Variants in TTLL11 observed in about 807,000 individuals in gnomAD.
TTLL11 encodes tubulin tyrosine ligase like 11.
Under a neutral mutation model 51.7 loss-of-function variants are expected in TTLL11, and 42 were observed. The observed-to-expected ratio is 0.81, with a 90% CI of 0.64 to 1.05. TTLL11 has a LOEUF of 1.05. TTLL11 is among the 50% of genes least tolerant of loss of function. TTLL11 has a pLI of 0.00. For missense variants in TTLL11, 799 were observed against 940.4 expected, an observed-to-expected ratio of 0.85 and a Z score of 1.97; for synonymous variants, 381 against 383.5, an observed-to-expected ratio of 0.99 and a Z score of 0.08.
intron 1 of TTLL11, among the ~76,000 whole-genome samples, chr9:122,061,225 C>G (rs929710025): frequency 6.6e-6 from 1 of 152,216 alleles, no homozygotes; most frequent in Non-Finnish European, 1.5e-5. Flanking sequence ...CACCCTAAAA[C>G]CAGGATCGTC....
chr9:122,044,537 T>A (rs1053358728), intron 1 of TTLL11, among the ~76,000 whole-genome samples: 6 of 152,254 alleles, frequency 3.9e-5, no homozygotes, highest in African/African-American at 1.4e-4. Context: ...CCTGACTTTT[T>A]AATGATCGCC....
intron 8 of TTLL11, among the ~76,000 whole-genome samples, chr9:121,854,221 C>G (rs750489296): frequency 6.6e-6 from 1 of 152,128 alleles, no homozygotes; most frequent in Non-Finnish European, 1.5e-5. Flanking sequence ...CCCAAGGCAG[C>G]CCCCGGAGCT....
At chr9:121,884,428 A>C (rs1276083439) in intron 6 of TTLL11, among the ~76,000 whole-genome samples, 2 of 152,172 alleles carry the variant, frequency 1.3e-5, no homozygotes. Flanking sequence ...TCTCTTTCTC[A>C]GTTGTCATGG....
At chr9:121,917,304 TAA>T (rs113053206) in intron 6 of TTLL11, among the ~76,000 whole-genome samples, 15 of 141,882 alleles carry the variant, frequency 1.1e-4, no homozygotes, top group African/African-American at 3.1e-4. Context: ...CTTATCTCTA[TAA>T]AAAAAAAAAA....
At position 121,890,946 on chromosome 9, in the gene TTLL11, G is replaced by A. The variant is rs1839206314; in HGVS notation, c.1482-20198C>T. On this transcript the variant is annotated intron_variant, in intron 6 of 8. Coordinates refer to ENST00000321582, the MANE Select transcript of TTLL11 (RefSeq NM_001139442.2). This position sits in a 1 kb window ranked among gnomAD's most constrained non-coding sequence, Gnocchi z 4.3. ...CCAGCCACATTGCCCTGCCCACTAA[G>A]CCCTCCTGCTGTCTGATAGACAAAG... 6.6e-6 allele frequency among the ~76,000 whole-genome samples: 1 copy of A among 152,154 alleles called. No homozygotes were observed. Among genetic ancestry groups the A allele is most frequent in the Non-Finnish European group, 1.5e-5 (1 of 68,016 alleles).
chr9:121,973,365 A>G (rs1219800968), intron 6 of TTLL11, among the ~76,000 whole-genome samples: 1 of 152,210 alleles, frequency 6.6e-6, no homozygotes. Flanking sequence ...ACCATGTCCT[A>G]GTTACCTATG....
At chr9:121,960,105 T>G (rs972530047) in intron 6 of TTLL11, among the ~76,000 whole-genome samples, 4 of 149,848 alleles carry the variant, frequency 2.7e-5, no homozygotes, top group Admixed American at 1.3e-4. Flanking sequence ...ACCTTAAACT[T>G]CTGATCTTTT....
Position 121,995,653 on chromosome 9 carries a change from T to G in TTLL11, c.694-5883A>C, listed in dbSNP as rs1401674267. Among the ~76,000 whole-genome samples, 1 of 152,168 alleles carries G rather than the reference T, an allele frequency of 6.6e-6. No individual in the cohort carries two copies. The highest frequency in any genetic ancestry group is 1.9e-4 in the East Asian group (1 of 5,182). On this transcript the variant is annotated intron_variant, in intron 3 of 8. Transcript: ENST00000321582. This position sits in a 1 kb window ranked among gnomAD's most constrained non-coding sequence, Gnocchi z 4.4. ...ACAAGGAGAGGAGGAATTCACTTCATCTAATGAGTATTATTTGCACGACTC... is the reference window on the plus strand; with the variant it reads ...ACAAGGAGAGGAGGAATTCACTTCAGCTAATGAGTATTATTTGCACGACTC...
At chr9:121,908,946 T>C (rs1329438986) in intron 6 of TTLL11, among the ~76,000 whole-genome samples, 1 of 152,238 alleles carries the variant, frequency 6.6e-6, no homozygotes, top group African/African-American at 2.4e-5. Context: ...GATTTCAACA[T>C]ATGACTTTGT....
chr9:122,017,833 C>T (rs1844033810), intron 3 of TTLL11, among the ~76,000 whole-genome samples: 5 of 151,904 alleles, frequency 3.3e-5, no homozygotes, highest in Admixed American at 3.3e-4. Flanking sequence ...TACGCACATT[C>T]AATGGGAGAA....
intron 6 of TTLL11, among the ~76,000 whole-genome samples, chr9:121,960,350 C>T (rs1173893437): frequency 2.6e-5 from 4 of 152,128 alleles, no homozygotes; most frequent in Admixed American, 2.6e-4. Context: ...TGTTGGTGGA[C>T]ATTAGGTTGA....
At chr9:121,876,788 A>G (rs532323440) in intron 6 of TTLL11, among the ~76,000 whole-genome samples, 1 of 152,342 alleles carries the variant, frequency 6.6e-6, no homozygotes, top group Admixed American at 6.5e-5. Flanking sequence ...GTGCCTCCTG[A>G]TAACTTGTTA....
chr9:121,944,327 A>T (rs1282825983), intron 6 of TTLL11, among the ~76,000 whole-genome samples: 1 of 152,060 alleles, frequency 6.6e-6, no homozygotes, highest in Non-Finnish European at 1.5e-5. Context: ...GGCCAACATG[A>T]CGAATCCCCG....
intron 6 of TTLL11, among the ~76,000 whole-genome samples, chr9:121,916,421 A>G: frequency 6.6e-6 from 1 of 152,188 alleles, no homozygotes; most frequent in Non-Finnish European, 1.5e-5. Flanking sequence ...GGATAAGCTG[A>G]GGGAAGATTT....
intron 8 of TTLL11, among the ~76,000 whole-genome samples, chr9:121,830,151 TG>T (rs1836957407): frequency 6.6e-6 from 1 of 152,218 alleles, no homozygotes; most frequent in Non-Finnish European, 1.5e-5. Flanking sequence ...ATGCCCACTT[TG>T]TAGCTGAGGA....
In TTLL11 at chr9:121,982,591, G is replaced by A. The variant is rs574560799; in HGVS notation, c.1269+6604C>T. On this transcript the variant is annotated intron_variant, in intron 4 of 8. Coordinates refer to ENST00000321582, the MANE Select transcript of TTLL11 (RefSeq NM_001139442.2). ...TTAAAAATTCTCTGGGCGTGGTGGC[G>A]GGTAGCTGTAATCCAGCTACTTGGG... 1.5e-3 allele frequency among the ~76,000 whole-genome samples: 227 copies of A among 151,884 alleles called. 1 individual carries two copies. Among genetic ancestry groups the A allele is most frequent in the African/African-American group, 5.1e-3 (211 of 41,384 alleles).
At chr9:121,873,642 C>CTTCT (rs1564282907) in intron 6 of TTLL11, among the ~76,000 whole-genome samples, 6,662 of 133,798 alleles carry the variant, frequency 0.05, 208 homozygotes, top group African/African-American at 0.068. Flanking sequence ...TCCTCCTCCT[C>CTTCT]TCTTCTTCTT....
At chr9:121,879,610 A>AG (rs1418459263) in intron 6 of TTLL11, among the ~76,000 whole-genome samples, 1 of 152,214 alleles carries the variant, frequency 6.6e-6, no homozygotes, top group Non-Finnish European at 1.5e-5. Flanking sequence ...GGCATCACAC[A>AG]GGGGTGGCAA....
At chr9:122,010,413 G>A (rs1023720736) in intron 3 of TTLL11, among the ~76,000 whole-genome samples, 2 of 152,190 alleles carry the variant, frequency 1.3e-5, no homozygotes, top group African/African-American at 4.8e-5. Flanking sequence ...AAACTTTGGA[G>A]CGTGGTTCAA....
Sources: allele counts gnomAD v4.1 joint callset (sites outside exome capture counted in the v4.1 genomes callset), GRCh38; gene constraint gnomAD v4.1.1; non-coding constraint Gnocchi (gnomAD v3.1); transcripts MANE v1.5; gene names NCBI Gene and HGNC (gene_info 2026-07-23, HGNC 2026-07-21).